The following PANK2 variants were observed in gnomAD, a reference collection of about 807,000 sequenced individuals.
The protein encoded by PANK2 is pantothenate kinase 2, mitochondrial.
PANK2 carries 36 observed loss-of-function variants against 43.1 expected under a neutral mutation model. The observed-to-expected ratio is 0.84, with a 90% CI of 0.64 to 1.10. The LOEUF is 1.10. Among genes scored for constraint, PANK2 ranks in the 50% least tolerant of loss-of-function variants. The pLI is 0.00. For synonymous variants in PANK2, 281 were observed against 238.2 expected, an observed-to-expected ratio of 1.18 and a Z score of -1.66; for missense variants, 576 against 593.3, an observed-to-expected ratio of 0.97 and a Z score of 0.30.
intron 6 of PANK2, among the ~76,000 whole-genome samples, chr20:3,922,197 T>TA (rs1456565356): frequency 6.6e-6 from 1 of 152,248 alleles, no homozygotes; most frequent in Non-Finnish European, 1.5e-5. Flanking sequence ...TTATTTCTTT[T>TA]AAAAAGTAGT....
intron 1 of PANK2, 80 bp downstream of exon 1, chr20:3,889,808 C>T (rs1600478638): frequency 1.3e-6 from 2 of 1,543,036 alleles, no homozygotes; most frequent in East Asian, 4.7e-5. Flanking sequence ...GCCCCGCCGC[C>T]GTTTTTCCCG....
At chr20:3,909,203 C>T (rs1042569352) in intron 2 of PANK2, among the ~76,000 whole-genome samples, 3 of 152,206 alleles carry the variant, frequency 2.0e-5, no homozygotes, top group African/African-American at 4.8e-5. Flanking sequence ...GCTTCAGCCT[C>T]CCAAGTAGCT....
intron 1 of PANK2, among the ~76,000 whole-genome samples, chr20:3,895,484 GT>G (rs10630574): frequency 7.5e-6 from 1 of 132,950 alleles, no homozygotes; most frequent in African/African-American, 2.8e-5. Context: ...CCCTGTCTCC[GT>G]TTTTTTTTTT....
chr20:3,892,464 G>A (rs990362781), intron 1 of PANK2, among the ~76,000 whole-genome samples: 5 of 151,954 alleles, frequency 3.3e-5, no homozygotes, highest in African/African-American at 1.2e-4. Context: ...TTGTTGGGAG[G>A]TTTGGGTATG....
chr20:3,902,121 A>G (rs997672652), intron 1 of PANK2, among the ~76,000 whole-genome samples: 12 of 151,176 alleles, frequency 7.9e-5, no homozygotes, highest in Admixed American at 3.3e-4. Flanking sequence ...TGGAACTAAC[A>G]TAAGATGTTG....
At chr20:3,892,270 G>C (rs2090134403) in intron 1 of PANK2, among the ~76,000 whole-genome samples, 1 of 151,998 alleles carries the variant, frequency 6.6e-6, no homozygotes, top group African/African-American at 2.4e-5. Flanking sequence ...TTTGAACCTG[G>C]GAGGTGGAGG....
intron 1 of PANK2, among the ~76,000 whole-genome samples, chr20:3,892,351 C>A (rs114156744): frequency 3.5e-4 from 46 of 132,522 alleles, no homozygotes; most frequent in African/African-American, 8.1e-4. Context: ...AAAAAAAAAA[C>A]AAAAAAAAAG....
Position 3,928,122 on chromosome 20 carries a change from A to G in PANK2, c.*4828A>G, listed in dbSNP as rs376363650. The G allele has an allele frequency of 6.6e-6, 1 of 152,236 alleles. No homozygotes were observed. Among genetic ancestry groups the G allele is most frequent in the East Asian group, 1.9e-4 (1 of 5,196 alleles). The allele number at this position is 152,236 out of a possible 1,614,324, so 9.4% of individuals were successfully genotyped here. ...CCAGTTATCAACTGGATATTTAGGC[A>G]TGAATCTGGACATGTCCATCTGCTT... On this transcript the variant is annotated 3_prime_UTR_variant, in exon 7 of 7. Coordinates refer to ENST00000610179, the MANE Select transcript of PANK2 (RefSeq NM_001386393.1).
Position 3,889,541 on chromosome 20 carries a change from T to G in PANK2, c.111T>G (p.Ala37=). The change falls in exon 1 of 7, where the codon GCT becomes GCG. Residue 37 remains alanine, a synonymous_variant. Transcript: ENST00000610179. ...CTTCCGCCACCTCCGTCTCGTCGGC[T>G]GGGGAGCAGGCGGCCGGGGACCCCG... 7.0e-7 allele frequency: 1 copy of G among 1,422,178 alleles called. No individual in the cohort carries two copies. Among genetic ancestry groups the G allele is most frequent in the Non-Finnish European group, 9.1e-7 (1 of 1,099,136 alleles). 88.1% of individuals were successfully genotyped at this position (1,422,178 alleles called of 1,614,324 possible).
chr20:3,907,822 T>C (rs1322092784), intron 1 of PANK2, 104 bp from the exon 2 acceptor site: 4 of 994,370 alleles, frequency 4.0e-6, no homozygotes, highest in East Asian at 2.6e-5. Context: ...CCTAGAATTA[T>C]GTTCTTTGGA....
intron 3 of PANK2, among the ~76,000 whole-genome samples, chr20:3,911,323 G>A (rs560434382): frequency 9.2e-5 from 14 of 152,346 alleles, no homozygotes; most frequent in African/African-American, 2.9e-4. Context: ...GGTGGCTCAT[G>A]CCTGTAATCC....
intron 1 of PANK2, among the ~76,000 whole-genome samples, chr20:3,906,114 C>G (rs1049296755): frequency 1.1e-4 from 17 of 151,942 alleles, no homozygotes; most frequent in African/African-American, 4.1e-4. Flanking sequence ...TTCCATAAAC[C>G]CATCAGAAGT....
chr20:3,900,928 C>T (rs537926384), intron 1 of PANK2, among the ~76,000 whole-genome samples: 4 of 152,018 alleles, frequency 2.6e-5, no homozygotes, highest in Middle Eastern at 6.8e-3. Context: ...ACCACCACAC[C>T]TGGCTAATTT....
rs1039221303 is a variant in PANK2, at chr20:3,915,000, G to A, written c.1083-1927G>A. Among the ~76,000 whole-genome samples, 11 of 152,116 alleles carry A rather than the reference G, an allele frequency of 7.2e-5. No homozygotes were observed. In the East Asian group the frequency reaches 2.1e-3, roughly 29 times the overall value. ...CTATTGCTAAGTTTTTAGTTGGATT[G>A]TCTTTTTATTATTGAGTTCTGGATA... On this transcript the variant is annotated intron_variant, in intron 4 of 6. Coordinates refer to ENST00000610179, the MANE Select transcript of PANK2 (RefSeq NM_001386393.1).
chr20:3,909,246 A>T (rs2090432709), intron 2 of PANK2, among the ~76,000 whole-genome samples: 1 of 151,850 alleles, frequency 6.6e-6, no homozygotes, highest in Admixed American at 6.6e-5. Flanking sequence ...ACGCCCGGCT[A>T]ATTTTGTATT....
chr20:3,928,802 CAA>C lies in PANK2; in HGVS notation c.*5510_*5511del, dbSNP rs1210053810. The C allele has an allele frequency of 7.6e-6, 1 of 131,564 alleles. No homozygotes were observed. The highest frequency in any genetic ancestry group is 1.7e-5 in the Non-Finnish European group (1 of 60,522). 8.1% of individuals were successfully genotyped at this position (131,564 alleles called of 1,614,324 possible). A position where few individuals can be genotyped will look rare whatever the true frequency, so the allele number is the denominator to read the frequency against. ...AAATTGTTGGGGTAATTTCTGTTGT[CAA>C]ATGGAAAACAAGGCATAAAGGGAAA... On this transcript the variant is annotated 3_prime_UTR_variant, in exon 7 of 7. Coordinates refer to ENST00000610179, the MANE Select transcript of PANK2 (RefSeq NM_001386393.1).
chr20:3,921,043 TTGA>T (rs1055647739), intron 6 of PANK2, among the ~76,000 whole-genome samples: 48 of 152,296 alleles, frequency 3.2e-4, no homozygotes, highest in Non-Finnish European at 3.7e-4. Flanking sequence ...TTGTGGAACT[TTGA>T]TGATTATTTT....
chr20:3,902,815 T>C (rs572927343), intron 1 of PANK2, among the ~76,000 whole-genome samples: 32 of 152,120 alleles, frequency 2.1e-4, no homozygotes, highest in South Asian at 4.2e-4. Flanking sequence ...CTATTTGTTT[T>C]TTCTGTGCCC....
At chr20:3,903,300 G>A (rs1372629765) in intron 1 of PANK2, among the ~76,000 whole-genome samples, 1 of 150,308 alleles carries the variant, frequency 6.7e-6, no homozygotes, top group Non-Finnish European at 1.5e-5. Context: ...GGCATGCACT[G>A]CCACACCGGG....
Sources: allele counts gnomAD v4.1 joint callset (sites outside exome capture counted in the v4.1 genomes callset), GRCh38; gene constraint gnomAD v4.1.1; transcripts MANE v1.5; gene names NCBI Gene and HGNC (gene_info 2026-07-23, HGNC 2026-07-21).